Variants in DNAH8 observed in about 807,000 individuals in gnomAD.
DNAH8 encodes dynein axonemal heavy chain 8.
A neutral mutation model predicts 562.1 loss-of-function variants in DNAH8; 382 were observed. The ratio of observed to expected loss-of-function variants is 0.68; its 90% confidence interval spans 0.63 to 0.74. The LOEUF is 0.74. Among genes scored for constraint, DNAH8 ranks in the 30% least tolerant of loss-of-function variants. The probability of loss-of-function intolerance (pLI) is 0.00; values close to 1 mark genes in which losing one functional copy is unlikely to be tolerated. For missense variants in DNAH8, 5,203 were observed against 5,620.4 expected (o/e 0.93, Z 2.37); for synonymous variants, 1,881 against 1,919.4 (o/e 0.98, Z 0.52).
chr6:38,924,501 T>C (rs1235616926), intron 73 of DNAH8, among the ~76,000 whole-genome samples: 1 of 149,192 alleles, frequency 6.7e-6, no homozygotes, highest in Non-Finnish European at 1.5e-5. Flanking sequence ...AGAAACTCCA[T>C]CCCCCCCCCA....
chr6:38,886,641 A>G, intron 56 of DNAH8, 150 bp from the exon 57 acceptor site: 1 of 678,946 alleles, frequency 1.5e-6, no homozygotes, highest in Non-Finnish European at 2.5e-6. Context: ...ATTTAAGTCA[A>G]ATTACCTTGA....
intron 20 of DNAH8, among the ~76,000 whole-genome samples, chr6:38,790,852 A>G (rs944672987): frequency 5.3e-5 from 8 of 151,502 alleles, no homozygotes; most frequent in African/African-American, 1.9e-4. Flanking sequence ...AAAAAACTTT[A>G]TATTTCTTTT....
intron 29 of DNAH8, 53 bp from the exon 30 acceptor site, chr6:38,828,131 T>C (rs886805675): frequency 4.3e-6 from 5 of 1,151,474 alleles, no homozygotes; most frequent in African/African-American, 3.1e-5. Flanking sequence ...GTCTAAATCA[T>C]TTGGCAATGG....
intron 7 of DNAH8, among the ~76,000 whole-genome samples, chr6:38,739,988 AT>A (rs1327563577): frequency 1.3e-5 from 2 of 152,106 alleles, no homozygotes; most frequent in South Asian, 2.1e-4. Flanking sequence ...TTAATAGTCC[AT>A]TTTTTTCTAA....
chr6:38,915,161 AG>A (rs5875644), intron 67 of DNAH8, 39 bp from the exon 68 acceptor site: 198,240 of 1,547,168 alleles, frequency 0.13, 13,417 homozygotes, highest in South Asian at 0.23. Context: ...TTTGCTTGAA[AG>A]GTTTCTATTG....
At chr6:38,831,059 G>A (rs961806364) in intron 30 of DNAH8, among the ~76,000 whole-genome samples, 9 of 152,074 alleles carry the variant, frequency 5.9e-5, no homozygotes, top group Non-Finnish European at 1.0e-4. Context: ...TCAGAGGAGC[G>A]AGTCTTAGAA....
Position 38,848,832 on chromosome 6 carries a change from A to T in DNAH8, c.5199+31A>T, listed in dbSNP as rs371289621. 6.2e-6 allele frequency: 10 copies of T among 1,604,616 alleles called. No individual in the cohort carries two copies. In the African/African-American group the frequency reaches 1.3e-4, roughly 22 times the overall value. On this transcript the variant is annotated intron_variant, in intron 37 of 92. Transcript: ENST00000327475. ...TATGGCTTTTGTAATTACTGATAAA[A>T]TAATTTGGTGTATGTTGTCTATATG...
intron 68 of DNAH8, among the ~76,000 whole-genome samples, chr6:38,916,014 T>A (rs1339604368): frequency 6.6e-6 from 1 of 152,146 alleles, no homozygotes; most frequent in Non-Finnish European, 1.5e-5. Flanking sequence ...CTTAACTTTC[T>A]TGGGTTTCTA....
At chr6:38,881,203 T>C (rs1460128525) in intron 53 of DNAH8, among the ~76,000 whole-genome samples, 6 of 152,188 alleles carry the variant, frequency 3.9e-5, no homozygotes, top group Admixed American at 3.9e-4. Flanking sequence ...GTTTTAGAAG[T>C]TAAACATACT....
rs187743565 is a variant in DNAH8 at position 38,750,972 on chromosome 6, G to T, written c.1407+383G>T. ...ATATAGTGAATCATTAATATAGTAT[G>T]TGCAAGACAAATATTAATATATTAC... On this transcript the variant is annotated intron_variant, in intron 9 of 92. Transcript: ENST00000327475. Among the ~76,000 whole-genome samples the T allele has an allele frequency of 3.3e-5, 5 of 152,218 alleles. No homozygotes were observed. The East Asian group carries it at 9.6e-4, about 29-fold the overall frequency.
chr6:38,864,177 T>C lies in DNAH8; in HGVS notation c.6498+117T>C. On this transcript the variant is annotated intron_variant, in intron 45 of 92. Coordinates refer to ENST00000327475, the MANE Select transcript of DNAH8 (RefSeq NM_001206927.2). The stretch of plus-strand genomic sequence containing the variant: ...TATCCAGGAGTTATAAGCTGTTCTC[T>C]CTTACCATATGATTTTTTTTATGTC... 4 of 874,608 alleles carry C rather than the reference T, an allele frequency of 4.6e-6. 1 individual carries two copies. The highest frequency in any genetic ancestry group is 5.1e-6 in the Non-Finnish European group (3 of 583,328). 54.2% of individuals were successfully genotyped at this position (874,608 alleles called of 1,614,324 possible). A position where few individuals can be genotyped will look rare whatever the true frequency, so the allele number is the denominator to read the frequency against.
chr6:39,025,868 T>TAAC (rs1767240058), intron 91 of DNAH8, among the ~76,000 whole-genome samples: 1 of 152,120 alleles, frequency 6.6e-6, no homozygotes, highest in Non-Finnish European at 1.5e-5. Context: ...TATTTTTTTC[T>TAAC]AACATTGATT....
intron 88 of DNAH8, among the ~76,000 whole-genome samples, chr6:38,991,145 G>T (rs762804109): frequency 1.3e-5 from 2 of 152,112 alleles, no homozygotes; most frequent in Non-Finnish European, 2.9e-5. Context: ...TTGTCTTCCC[G>T]CCTCTGACCA....
intron 43 of DNAH8, among the ~76,000 whole-genome samples, 183 bp downstream of exon 43, chr6:38,860,812 A>G (rs1776562351): frequency 6.6e-6 from 1 of 152,246 alleles, no homozygotes; most frequent in Non-Finnish European, 1.5e-5. Context: ...ATTTTTATGA[A>G]GTAGAAAAAG....
chr6:38,816,821 T>C (rs771002349), intron 26 of DNAH8, among the ~76,000 whole-genome samples: 25 of 152,238 alleles, frequency 1.6e-4, no homozygotes, highest in Non-Finnish European at 4.4e-5. Context: ...TTGATTTGCA[T>C]TTCTGTAATG....
chr6:38,885,939 T>C (rs1489622479), intron 56 of DNAH8, among the ~76,000 whole-genome samples: 10 of 152,224 alleles, frequency 6.6e-5, no homozygotes, highest in Non-Finnish European at 2.9e-5. Flanking sequence ...ATTTTGTCTA[T>C]GCTACAAGAG....
intron 60 of DNAH8, among the ~76,000 whole-genome samples, chr6:38,896,916 G>T (rs934386282): frequency 1.3e-5 from 2 of 152,146 alleles, no homozygotes; most frequent in Non-Finnish European, 2.9e-5. Flanking sequence ...CTCCCGAGTA[G>T]CTGGGATTAC....
At chr6:38,991,279 G>A (rs574147912) in intron 88 of DNAH8, among the ~76,000 whole-genome samples, 27 of 152,260 alleles carry the variant, frequency 1.8e-4, no homozygotes, top group Admixed American at 9.2e-4. Context: ...GGACATGATT[G>A]AAAATACCTA....
At position 38,906,344 on chromosome 6, in the gene DNAH8, T is replaced by C. The variant is rs144188084; in HGVS notation, c.9285T>C (p.Thr3095=). ...ADGKGITFIF[T]DSEIKDEAFL... ...GAAAAGGCATCACTTTCATCTTTACTGACAGTGAAATAAAAGATGAGGCAT... is the reference window on the plus strand; with the variant it reads ...GAAAAGGCATCACTTTCATCTTTACCGACAGTGAAATAAAAGATGAGGCAT... Residue 3095 remains threonine, a synonymous_variant, in exon 63 of 93, where the codon ACT becomes ACC. Coordinates refer to ENST00000327475, the MANE Select transcript of DNAH8 (RefSeq NM_001206927.2). 1.0e-4 allele frequency: 161 copies of C among 1,611,186 alleles called. No individual in the cohort carries two copies. In the African/African-American group the frequency reaches 1.9e-3, roughly 19 times the overall value.
Sources: gnomAD v4.1 joint callset for allele counts (sites outside exome capture counted in the v4.1 genomes callset) on GRCh38, gnomAD v4.1.1 for gene constraint, MANE v1.5 for transcripts, NCBI Gene and HGNC (gene_info 2026-07-23, HGNC 2026-07-21) for gene names.